Variants in NOX4 observed in about 807,000 individuals in gnomAD.
NOX4 encodes NADPH oxidase 4, also known as kidney oxidase-1.
NOX4 carries 69 observed loss-of-function variants against 87.6 expected under a neutral mutation model. The observed-to-expected ratio is 0.79, with a 90% CI of 0.65 to 0.96. NOX4 has a LOEUF of 0.96. Ranked by LOEUF, NOX4 falls within the 40% of genes least tolerant of loss-of-function variation. NOX4 has a pLI of 0.00. For synonymous variants in NOX4, 275 were observed against 238.2 expected (o/e 1.15, Z -1.42); for missense variants, 680 against 681.5 (o/e 1.00, Z 0.02).
At chr11:89,332,210 G>A (rs1188692472) in intron 17 of NOX4, among the ~76,000 whole-genome samples, 3 of 142,744 alleles carry the variant, frequency 2.1e-5, no homozygotes, top group Non-Finnish European at 3.0e-5. Flanking sequence ...TCCAGGAGAA[G>A]TCACTTGACT....
chr11:89,467,118 G>A (rs1012849444), intron 2 of NOX4, among the ~76,000 whole-genome samples: 3 of 151,918 alleles, frequency 2.0e-5, no homozygotes, highest in Non-Finnish European at 2.9e-5. Context: ...GGAGGCCAAG[G>A]CAGGCGGATC....
chr11:89,546,141 C>T, the NOX4 span, among the ~76,000 whole-genome samples: 315 of 152,262 alleles, frequency 2.1e-3, no homozygotes, highest in South Asian at 3.5e-3. Flanking sequence ...CCACTGTTCC[C>T]ACTGTCACTG....
intron 6 of NOX4, among the ~76,000 whole-genome samples, chr11:89,434,960 G>A (rs1427134329): frequency 6.6e-6 from 1 of 152,000 alleles, no homozygotes; most frequent in African/African-American, 2.4e-5. Context: ...GTTGCTAGGA[G>A]GGGTAGAGGG....
intron 15 of NOX4, among the ~76,000 whole-genome samples, chr11:89,339,086 A>C (rs535517145): frequency 6.6e-6 from 1 of 152,192 alleles, no homozygotes; most frequent in Non-Finnish European, 1.5e-5. Context: ...TATACACTGA[A>C]TGATAGAATG....
chr11:89,571,557 A>T, the NOX4 span, among the ~76,000 whole-genome samples: 1 of 152,160 alleles, frequency 6.6e-6, no homozygotes. Flanking sequence ...GGCCTCCCAA[A>T]GTGCTGGGAT....
chr11:89,440,199 T>C (rs969571740), intron 6 of NOX4, among the ~76,000 whole-genome samples: 5 of 152,252 alleles, frequency 3.3e-5, no homozygotes, highest in African/African-American at 1.2e-4. Context: ...TCTGTTCTCA[T>C]TGCAACCTTA....
At chr11:89,423,300 G>A (rs1943186636) in intron 7 of NOX4, among the ~76,000 whole-genome samples, 1 of 152,038 alleles carries the variant, frequency 6.6e-6, no homozygotes, top group African/African-American at 2.4e-5. Context: ...TTATAAGTAG[G>A]ATGGGGTATT....
the NOX4 span, among the ~76,000 whole-genome samples, chr11:89,519,834 T>C: frequency 6.6e-6 from 1 of 152,182 alleles, no homozygotes; most frequent in Non-Finnish European, 1.5e-5. Context: ...ACTTTCATTA[T>C]CTCTGCCCTC....
intron 6 of NOX4, 73 bp downstream of exon 6, chr11:89,440,614 TG>T: frequency 9.6e-7 from 1 of 1,042,960 alleles, no homozygotes; most frequent in African/African-American, 1.7e-5. Flanking sequence ...CATGAGCCAC[TG>T]CGCCCAGTCC....
In NOX4 at chr11:89,324,839, C is replaced by T. The variant is rs1945157257; in HGVS notation, c.*1917G>A. ...TGCATGAGCATTCCACATTTCCTAT[C>T]ACTTTTTTGGGTTCATCTTCTTTCC... On this transcript the variant is annotated 3_prime_UTR_variant, in exon 18 of 18. Transcript: ENST00000263317. 1 of 152,156 alleles carries T rather than the reference C, an allele frequency of 6.6e-6. No individual in the cohort carries two copies. The highest frequency in any genetic ancestry group is 2.4e-5 in the African/African-American group (1 of 41,430). 9.4% of individuals were successfully genotyped at this position (152,156 alleles called of 1,614,324 possible).
chr11:89,535,261 T>G, the NOX4 span, among the ~76,000 whole-genome samples: 1 of 152,258 alleles, frequency 6.6e-6, no homozygotes, highest in South Asian at 2.1e-4. Context: ...GTGATTACAC[T>G]TAATATTCTT....
chr11:89,560,096 T>C, the NOX4 span, among the ~76,000 whole-genome samples: 2 of 151,880 alleles, frequency 1.3e-5, no homozygotes, highest in East Asian at 1.9e-4. Flanking sequence ...GTTGTCTTCA[T>C]AAGAAAAGAG....
chr11:89,338,311 A>G lies in NOX4; in HGVS notation c.1447-796T>C, dbSNP rs555569262. 1.8e-4 allele frequency among the ~76,000 whole-genome samples: 27 copies of G among 152,194 alleles called. No individual in the cohort carries two copies. The South Asian group carries it at 5.6e-3, about 32-fold the overall frequency. ...TATCTTCAAAGTTCATCCATGTACTATGTGTCATAATTTCCTTCCTTTTTA... is the reference window on the plus strand; with the variant it reads ...TATCTTCAAAGTTCATCCATGTACTGTGTGTCATAATTTCCTTCCTTTTTA... On this transcript the variant is annotated intron_variant, in intron 15 of 17. Transcript: ENST00000263317.
chr11:89,387,143 C>T (rs1940772353), intron 11 of NOX4, among the ~76,000 whole-genome samples: 1 of 152,076 alleles, frequency 6.6e-6, no homozygotes, highest in African/African-American at 2.4e-5. Context: ...CACCCCAACA[C>T]TTTACCACTA....
At chr11:89,384,115 G>T (rs1263630808) in intron 11 of NOX4, among the ~76,000 whole-genome samples, 3 of 152,076 alleles carry the variant, frequency 2.0e-5, no homozygotes, top group African/African-American at 7.3e-5. Flanking sequence ...GTTAGTTCAG[G>T]ATCTGTGCGT....
In NOX4 at chr11:89,432,729, C is replaced by A. The variant is rs182363841; in HGVS notation, c.548+55G>T. The A allele has an allele frequency of 2.6e-4, 345 of 1,310,078 alleles. No individual in the cohort carries two copies. In the African/African-American group the frequency reaches 2.8e-3, roughly 11 times the overall value. 81.2% of individuals were successfully genotyped at this position (1,310,078 alleles called of 1,614,324 possible). A position where few individuals can be genotyped will look rare whatever the true frequency, so the allele number is the denominator to read the frequency against. On this transcript the variant is annotated intron_variant, in intron 7 of 17. Transcript: ENST00000263317. The stretch of plus-strand genomic sequence containing the variant: ...GGTTAAACATTTTGATTACTCAAGA[C>A]TTTTTCTAAATAACCTGACAGATAC...
chr11:89,515,269 AT>A, the NOX4 span, among the ~76,000 whole-genome samples: 2 of 151,838 alleles, frequency 1.3e-5, no homozygotes, highest in Non-Finnish European at 2.9e-5. Flanking sequence ...AACCTTGCCA[AT>A]TTTTTTAGCG....
chr11:89,567,307 T>A, the NOX4 span, among the ~76,000 whole-genome samples: 745 of 152,238 alleles, frequency 4.9e-3, 3 homozygotes, highest in African/African-American at 0.01. Context: ...CCGGATGACA[T>A]GCACCTGCCA....
At chr11:89,537,428 T>C in the NOX4 span, among the ~76,000 whole-genome samples, 1 of 151,640 alleles carries the variant, frequency 6.6e-6, no homozygotes, top group East Asian at 1.9e-4. Context: ...TTATATAATA[T>C]GTATAGTTAT....
Sources: allele counts gnomAD v4.1 joint callset (sites outside exome capture counted in the v4.1 genomes callset), GRCh38; gene constraint gnomAD v4.1.1; transcripts MANE v1.5; gene names NCBI Gene and HGNC (gene_info 2026-07-23, HGNC 2026-07-21).